The following TCF12 variants were observed in gnomAD, a reference collection of about 807,000 sequenced individuals.
The protein encoded by TCF12 is DNA-binding protein HTF4.
In TCF12, 45 loss-of-function variants were observed where a neutral mutation model predicts 86.0. The ratio of observed to expected loss-of-function variants is 0.52; its 90% CI spans 0.41 to 0.67. TCF12 has a LOEUF of 0.67. Ranked by LOEUF, TCF12 falls within the 30% of genes least tolerant of loss-of-function variation. The pLI is 0.00. For synonymous variants in TCF12, 330 were observed against 299.6 expected, an observed-to-expected ratio of 1.10 and a Z score of -1.05; for missense variants, 881 against 859.9, an observed-to-expected ratio of 1.02 and a Z score of -0.31.
At chr15:57,230,973 G>A (rs989797984) in intron 8 of TCF12, among the ~76,000 whole-genome samples, 179 bp from the exon 9 acceptor site, 1 of 151,750 alleles carries the variant, frequency 6.6e-6, no homozygotes, top group Non-Finnish European at 1.5e-5. Context: ...AAAACATGTG[G>A]ATGGTAATTA....
chr15:57,083,974 G>A (rs2048472101), intron 4 of TCF12, among the ~76,000 whole-genome samples: 1 of 152,032 alleles, frequency 6.6e-6, no homozygotes, highest in Admixed American at 6.6e-5. Context: ...TAATATATGG[G>A]ACTGGTATTT....
At chr15:56,995,231 C>CATTTTTT (rs2063645320) in intron 3 of TCF12, among the ~76,000 whole-genome samples, 1 of 30,282 alleles carries the variant, frequency 3.3e-5, no homozygotes, top group African/African-American at 1.2e-4. Flanking sequence ...ATACCTGCAG[C>CATTTTTT]TTTTTTTTTT....
chr15:56,974,057 GCTTTT>G (rs1595918294), intron 3 of TCF12, among the ~76,000 whole-genome samples: 1 of 152,092 alleles, frequency 6.6e-6, no homozygotes, highest in East Asian at 1.9e-4. Context: ...AGTGTTCGTG[GCTTTT>G]CTTTTCCTGT....
chr15:56,960,796 T>A (rs571951433), intron 3 of TCF12, among the ~76,000 whole-genome samples: 1 of 152,234 alleles, frequency 6.6e-6, no homozygotes, highest in Admixed American at 6.5e-5. Flanking sequence ...ATCATGATTC[T>A]TTTAAAAATT....
rs114718814 is a variant in TCF12, at chr15:57,160,326, G to A, written c.326-6076G>A. ...CAGCATGGAAAAGTGCAGAGCAAAG[G>A]GGGGAAAAGTCCCTTATAAAACCAT... On this transcript the variant is annotated intron_variant, in intron 5 of 20. Coordinates refer to ENST00000333725, the MANE Select transcript of TCF12 (RefSeq NM_207037.2). Among the ~76,000 whole-genome samples the A allele has an allele frequency of 7.2e-5, 11 of 152,166 alleles. No homozygotes were observed. In the South Asian group the frequency reaches 1.9e-3, roughly 26 times the overall value.
downstream of TCF12, chr15:57,289,865 A>G (rs2062046494): frequency 6.6e-6 from 1 of 152,182 alleles, no homozygotes; most frequent in Non-Finnish European, 1.5e-5. Context: ...TCCCAGGATG[A>G]TTCCTCTTCA....
intron 3 of TCF12, among the ~76,000 whole-genome samples, chr15:57,040,105 C>G (rs111839707): frequency 0.012 from 1,769 of 152,170 alleles, 39 homozygotes; most frequent in African/African-American, 0.041. Flanking sequence ...ATTCAAACTC[C>G]TCTTCAGGAT....
At chr15:57,035,389 A>G (rs1470340758) in intron 3 of TCF12, among the ~76,000 whole-genome samples, 3 of 152,132 alleles carry the variant, frequency 2.0e-5, no homozygotes, top group African/African-American at 4.8e-5. Flanking sequence ...TCAGCCTCTC[A>G]AGAAGCTAGA....
chr15:57,083,181 G>A (rs1457766740), intron 4 of TCF12, among the ~76,000 whole-genome samples: 4 of 152,154 alleles, frequency 2.6e-5, no homozygotes, highest in African/African-American at 9.7e-5. Context: ...CTTCTAATGG[G>A]AATTATAATT....
At chr15:56,923,032 C>T (rs1349765097) in intron 3 of TCF12, among the ~76,000 whole-genome samples, 2 of 151,984 alleles carry the variant, frequency 1.3e-5, no homozygotes, top group Admixed American at 6.6e-5. Context: ...AGCTAAAGAT[C>T]TGACTTTCCT....
Position 57,022,839 on chromosome 15 carries a change from C to T in TCF12, c.149-40911C>T, listed in dbSNP as rs865937950. 4.6e-5 allele frequency among the ~76,000 whole-genome samples: 7 copies of T among 152,056 alleles called. No individual in the cohort carries two copies. In the East Asian group the frequency reaches 1.2e-3, roughly 25 times the overall value. On this transcript the variant is annotated intron_variant, in intron 3 of 20. Transcript: ENST00000333725. ...ACCAGTGATGATGAGCATTTTTTCA[C>T]GTGGTCAGACAGATCTTTTCTTGTT... is the stretch of plus-strand genomic sequence containing the variant.
chr15:57,065,513 A>AT (rs1319821227), intron 4 of TCF12, among the ~76,000 whole-genome samples: 2 of 151,886 alleles, frequency 1.3e-5, no homozygotes, highest in Non-Finnish European at 2.9e-5. Flanking sequence ...ATATTGGATT[A>AT]TTTTTTTCAG....
At position 57,231,274 on chromosome 15, in the gene TCF12, A is replaced by T. The variant is rs375134596; in HGVS notation, c.685+17A>T. The T allele has an allele frequency of 3.1e-5, 48 of 1,524,020 alleles. No homozygotes were observed. The highest frequency in any genetic ancestry group is 4.3e-5 in the Non-Finnish European group (47 of 1,098,450). 94.4% of individuals were successfully genotyped at this position (1,524,020 alleles called of 1,614,324 possible). On this transcript the variant is annotated intron_variant, in intron 9 of 20. Coordinates refer to ENST00000333725, the MANE Select transcript of TCF12 (RefSeq NM_207037.2). Reference sequence around the variant, plus strand: ...TTATGCAAGGTAAGTACTACCAAACAATTGCCAAATACTACTGCAGTCATC... The same window carrying T: ...TTATGCAAGGTAAGTACTACCAAACTATTGCCAAATACTACTGCAGTCATC...
At position 56,981,374 on chromosome 15, in the gene TCF12, G is replaced by A. The variant is rs1006446004; in HGVS notation, c.148+60276G>A. 4.6e-5 allele frequency among the ~76,000 whole-genome samples: 7 copies of A among 152,154 alleles called. No homozygotes were observed. In the East Asian group the frequency reaches 9.6e-4, roughly 21 times the overall value. On this transcript the variant is annotated intron_variant, in intron 3 of 20. Coordinates refer to ENST00000333725, the MANE Select transcript of TCF12 (RefSeq NM_207037.2). ...CTTTGCTGTGTCCTCTGGAGAGAAC[G>A]GATGTTGTGTCTTTATATGATGGAA...
At chr15:56,946,708 C>CT (rs1446385999) in intron 3 of TCF12, among the ~76,000 whole-genome samples, 2 of 149,722 alleles carry the variant, frequency 1.3e-5, no homozygotes, top group East Asian at 2.0e-4. Context: ...AGATGTAAGG[C>CT]TTTTTTTCTG....
At chr15:57,255,799 G>GAA (rs5812879) in intron 16 of TCF12, among the ~76,000 whole-genome samples, 3 of 149,210 alleles carry the variant, frequency 2.0e-5, no homozygotes, top group Admixed American at 2.0e-4. Context: ...TTCGTAAAAA[G>GAA]AAAAAAAAAA....
rs551105435 is a variant in TCF12, at chr15:57,243,035, A to T, written c.1036-437A>T. On this transcript the variant is annotated intron_variant, in intron 12 of 20. Transcript: ENST00000333725. Reference sequence around the variant, plus strand: ...GAGATAAGGGGTAACTATTAAAAAGATTATTTTCTTTGTCCAGCCTTTAAA... The same window carrying T: ...GAGATAAGGGGTAACTATTAAAAAGTTTATTTTCTTTGTCCAGCCTTTAAA... Among the ~76,000 whole-genome samples, 6 of 152,346 alleles carry T rather than the reference A, an allele frequency of 3.9e-5. No homozygotes were observed. In the South Asian group the frequency reaches 1.0e-3, roughly 26 times the overall value.
intron 4 of TCF12, among the ~76,000 whole-genome samples, chr15:57,087,903 A>G (rs1006678567): frequency 1.3e-5 from 2 of 152,172 alleles, no homozygotes; most frequent in Admixed American, 6.5e-5. Flanking sequence ...CATCTCATGT[A>G]TTAAAAAATC....
intron 4 of TCF12, among the ~76,000 whole-genome samples, chr15:57,081,437 G>A (rs568315053): frequency 6.6e-6 from 1 of 152,188 alleles, no homozygotes; most frequent in Non-Finnish European, 1.5e-5. Flanking sequence ...ATAGTAACTA[G>A]TTCATAGTGT....
Sources: allele counts gnomAD v4.1 joint callset (sites outside exome capture counted in the v4.1 genomes callset), GRCh38; gene constraint gnomAD v4.1.1; transcripts MANE v1.5; gene names NCBI Gene and HGNC (gene_info 2026-07-23, HGNC 2026-07-21).